The following MYOM1 variants were observed in gnomAD, a reference collection of about 807,000 sequenced individuals.
MYOM1 encodes myomesin 1.
In MYOM1, 164 loss-of-function variants were observed where a neutral mutation model predicts 205.3. The observed-to-expected ratio is 0.80, with a 90% CI of 0.70 to 0.91. The LOEUF (loss-of-function observed/expected upper bound fraction) is 0.91, where lower values mean the gene tolerates loss of function less well. MYOM1 is among the 40% of genes least tolerant of loss of function. The pLI, the probability that MYOM1 is intolerant of heterozygous loss-of-function variation, is 0.00. For synonymous variants in MYOM1, 772 were observed against 789.4 expected, an observed-to-expected ratio of 0.98 and a Z score of 0.37; for missense variants, 2,011 against 2,127.3, an observed-to-expected ratio of 0.95 and a Z score of 1.08.
At chr18:3,124,304 T>TTA (rs2079744483) in intron 19 of MYOM1, among the ~76,000 whole-genome samples, 1 of 15,762 alleles carries the variant, frequency 6.3e-5, no homozygotes, top group Non-Finnish European at 1.2e-4. Context: ...TTCTTTTTTC[T>TTA]TTTTTTTTTT....
intron 12 of MYOM1, among the ~76,000 whole-genome samples, 168 bp downstream of exon 12, chr18:3,151,526 G>A (rs145747293): frequency 0.013 from 2,012 of 151,820 alleles, 34 homozygotes; most frequent in African/African-American, 0.044. Flanking sequence ...GAATGGCTAA[G>A]GCAATGTTTG....
In MYOM1 at chr18:3,135,737, C is replaced by A. The variant is rs1344222822; in HGVS notation, c.2026-7G>T. 1.2e-6 allele frequency: 2 copies of A among 1,613,644 alleles called. No homozygotes were observed. The highest frequency in any genetic ancestry group is 8.5e-7 in the Non-Finnish European group (1 of 1,179,750). ...TTTCTGTTCCTGCCTCACACTGCAG[C>A]AAGAACAGGGAAACCCATTGAAAGC... On this transcript the variant is annotated splice_polypyrimidine_tract_variant and splice_region_variant and intron_variant, in intron 14 of 37. Coordinates refer to ENST00000356443, the MANE Select transcript of MYOM1 (RefSeq NM_003803.4). The surrounding 1 kb of genome is among the most constrained non-coding windows in gnomAD (Gnocchi z 4.1).
chr18:3,127,018 G>A (rs1167449503), intron 18 of MYOM1, 121 bp from the exon 19 acceptor site: 1 of 845,740 alleles, frequency 1.2e-6, no homozygotes, highest in African/African-American at 1.7e-5. Context: ...TAAAATTCGA[G>A]GCTGATGAAC....
chr18:3,227,724 C>T, the MYOM1 span, among the ~76,000 whole-genome samples: 1 of 152,002 alleles, frequency 6.6e-6, no homozygotes, highest in Non-Finnish European at 1.5e-5. Flanking sequence ...GAGGCTGAGG[C>T]AGGAGAATCG....
intron 20 of MYOM1, among the ~76,000 whole-genome samples, chr18:3,118,699 G>A (rs1346335438): frequency 3.3e-5 from 5 of 152,038 alleles, no homozygotes; most frequent in African/African-American, 1.2e-4. Flanking sequence ...GTCTCTAGTC[G>A]ATTGCATTTC....
intron 19 of MYOM1, 40 bp from the exon 20 acceptor site, chr18:3,120,035 G>GT (rs1450089310): frequency 2.0e-6 from 3 of 1,521,934 alleles, no homozygotes; most frequent in African/African-American, 1.4e-5. Context: ...AATGTTCCAG[G>GT]TTTGTTTTTT....
chr18:3,073,980 A>G (rs2078992090), intron 36 of MYOM1, among the ~76,000 whole-genome samples: 1 of 152,208 alleles, frequency 6.6e-6, no homozygotes, highest in African/African-American at 2.4e-5. Flanking sequence ...TAGCTGAACT[A>G]AGGAGCAAAA....
chr18:3,135,912 A>T lies in MYOM1; in HGVS notation c.2026-182T>A, dbSNP rs961612854. Among the ~76,000 whole-genome samples, 2 of 152,186 alleles carry T rather than the reference A, an allele frequency of 1.3e-5. No individual in the cohort carries two copies. The highest frequency in any genetic ancestry group is 2.9e-5 in the Non-Finnish European group (2 of 68,046). On this transcript the variant is annotated intron_variant, in intron 14 of 37. Transcript: ENST00000356443. The surrounding 1 kb of genome is among the most constrained non-coding windows in gnomAD (Gnocchi z 4.1). Reference sequence around the variant, plus strand: ...TGAAGTTCGTAGGATTCTCTAAATCAAACTTGGCTTTTGATACGGTTTGGC... The same window carrying T: ...TGAAGTTCGTAGGATTCTCTAAATCTAACTTGGCTTTTGATACGGTTTGGC...
chr18:3,159,416 T>A (rs1265206062), intron 10 of MYOM1, among the ~76,000 whole-genome samples: 10 of 152,152 alleles, frequency 6.6e-5, no homozygotes, highest in Non-Finnish European at 1.2e-4. Context: ...GAATACAAAG[T>A]TTTTTTAAAA....
intron 19 of MYOM1, among the ~76,000 whole-genome samples, chr18:3,126,053 G>T (rs1205510489): frequency 1.3e-5 from 2 of 152,066 alleles, no homozygotes; most frequent in East Asian, 3.9e-4. Context: ...CGGATCACTT[G>T]AGGCCAGGAG....
rs2079360839 is a variant in MYOM1 at position 3,100,402 on chromosome 18, A to G, written c.3600T>C (p.Leu1200=). The change falls in exon 24 of 38, where the codon CTT becomes CTC. Residue 1200 remains leucine (L), a synonymous_variant. Coordinates refer to ENST00000356443, the MANE Select transcript of MYOM1 (RefSeq NM_003803.4). ...GNKTKMTFKD[L]GMDDLGIYSC... The stretch of plus-strand genomic sequence containing the variant: ...AGTAAATACCCAAGTCATCCATCCC[A>G]AGGTCTTTGAAGGTCATTTTCGTCC... The G allele has an allele frequency of 2.5e-6, 4 of 1,613,720 alleles. No homozygotes were observed. Among genetic ancestry groups the G allele is most frequent in the African/African-American group, 2.7e-5 (2 of 74,934 alleles).
chr18:3,223,359 G>A (rs527556491), upstream of MYOM1, among the ~76,000 whole-genome samples: 147 of 152,296 alleles, frequency 9.7e-4, no homozygotes, highest in Admixed American at 4.1e-3. Context: ...CAATGCGGAT[G>A]TTTTCCACGG....
chr18:3,116,460 C>G lies in MYOM1; in HGVS notation c.3174G>C (p.Gln1058His). 1 of 1,611,198 alleles carries G rather than the reference C, an allele frequency of 6.2e-7. No homozygotes were observed. Among genetic ancestry groups the G allele is most frequent in the Non-Finnish European group, 8.5e-7 (1 of 1,178,380 alleles). ...GCCCGGAGTGGACTGGCGGCTTCCA[C>G]TGGAGAACCAGTGAGTCTTTCCTGA... is the stretch of plus-strand genomic sequence containing the variant. Reference protein sequence around the residue: ...SEVRKDSLVLQWKPPVHSGRT... With the variant: ...SEVRKDSLVLHWKPPVHSGRT... Residue 1058 changes from glutamine to histidine, a missense_variant, in exon 21 of 38, where the codon CAG becomes CAC. By Grantham distance (24) the Gln-to-His change is conservative (BLOSUM62 0). Transcript: ENST00000356443.
chr18:3,201,436 A>G (rs1252862223), intron 2 of MYOM1, among the ~76,000 whole-genome samples: 2 of 152,078 alleles, frequency 1.3e-5, no homozygotes, highest in Non-Finnish European at 2.9e-5. Flanking sequence ...AGGTAATTTA[A>G]TTGTAATTTA....
intron 34 of MYOM1, among the ~76,000 whole-genome samples, chr18:3,078,173 C>G (rs2143655984): frequency 6.6e-6 from 1 of 152,088 alleles, no homozygotes; most frequent in Non-Finnish European, 1.5e-5. Context: ...TCCCAAGTAG[C>G]TGGGATTACA....
chr18:3,222,543 G>C (rs2081336478), upstream of MYOM1, among the ~76,000 whole-genome samples: 1 of 152,182 alleles, frequency 6.6e-6, no homozygotes, highest in Admixed American at 6.5e-5. Context: ...AAGGATGAAA[G>C]TTCAGTAAAT....
At chr18:3,120,814 C>G (rs923642091) in intron 19 of MYOM1, among the ~76,000 whole-genome samples, 1 of 152,146 alleles carries the variant, frequency 6.6e-6, no homozygotes, top group Non-Finnish European at 1.5e-5. Flanking sequence ...CCGTATCACT[C>G]AGTAGGAACT....
intron 10 of MYOM1, among the ~76,000 whole-genome samples, chr18:3,156,762 T>C (rs538029390): frequency 3.9e-4 from 60 of 152,142 alleles, no homozygotes; most frequent in Middle Eastern, 6.8e-3. Flanking sequence ...GTGCACCACC[T>C]ATGCCCGGCT....
At chr18:3,164,227 G>A (rs371471868) in intron 10 of MYOM1, 51 bp downstream of exon 10, 4 of 1,561,386 alleles carry the variant, frequency 2.6e-6, no homozygotes, top group Admixed American at 1.9e-5. Flanking sequence ...AACTGCTTTG[G>A]CTTCAGTGTA....
Sources: allele counts gnomAD v4.1 joint callset (sites outside exome capture counted in the v4.1 genomes callset), GRCh38; gene constraint gnomAD v4.1.1; non-coding constraint Gnocchi (gnomAD v3.1); transcripts MANE v1.5; gene names NCBI Gene and HGNC (gene_info 2026-07-23, HGNC 2026-07-21).